The following MALAT1 variants were observed in gnomAD, a reference collection of about 807,000 sequenced individuals.
The protein encoded by MALAT1 is hepcarcin.
At chr11:65,498,283 C>T in intron 1 of MALAT1, 1 of 518,674 alleles carries the variant, frequency 1.9e-6, no homozygotes, top group South Asian at 1.4e-5. Context: ...TGAGCACTTT[C>T]AGGAGAGCCT....
Position 65,498,967 on chromosome 11 carries a change from A to C in MALAT1, n.232-2A>C, listed in dbSNP as rs745789624. Reference sequence around the variant, plus strand: ...GAACTACTTTTTGCCTCCCTCACAAAGGCGGCGGAAGGTGATCGAATTCCG... The same window carrying C: ...GAACTACTTTTTGCCTCCCTCACAACGGCGGCGGAAGGTGATCGAATTCCG... On this transcript the variant is annotated splice_acceptor_variant and non_coding_transcript_variant, in intron 2 of 3. Transcript: ENST00000619449. 6 of 518,794 alleles carry C rather than the reference A, an allele frequency of 1.2e-5. No individual in the cohort carries two copies. The Admixed American group carries it at 1.2e-4, about 10-fold the overall frequency. The allele number at this position is 518,794 out of a possible 1,614,324, so 32.1% of individuals were successfully genotyped here.
exon 3 of MALAT1, chr11:65,501,535 C>A (rs757633332): frequency 5.8e-6 from 3 of 518,700 alleles, no homozygotes; most frequent in Non-Finnish European, 1.2e-5. Context: ...TTGGGATGGT[C>A]TTAACAGGGA....
At chr11:65,498,320 T>G (rs374909824) in intron 1 of MALAT1, 1 of 518,000 alleles carries the variant, frequency 1.9e-6, no homozygotes, top group Non-Finnish European at 3.9e-6. Flanking sequence ...TAGAAAAATT[T>G]CCGTGCGGGC....
intron 3 of MALAT1, chr11:65,504,613 C>G (rs1355337236): frequency 1.9e-6 from 1 of 518,608 alleles, no homozygotes; most frequent in Non-Finnish European, 3.8e-6. Context: ...GCTTTTTGTT[C>G]ATTTCTGGTG....
exon 1 of MALAT1, chr11:65,497,778 C>G (rs773414990): frequency 4.3e-6 from 2 of 470,384 alleles, no homozygotes; most frequent in African/African-American, 2.0e-5. Flanking sequence ...GACTGGGGCC[C>G]CGCAACTGGC....
exon 4 of MALAT1, chr11:65,506,415 G>A: frequency 2.6e-6 from 1 of 381,276 alleles, no homozygotes; most frequent in Non-Finnish European, 5.1e-6. Context: ...GTTTTGAGAA[G>A]CCCTACTGCT....
intron 3 of MALAT1, chr11:65,505,118 G>A (rs1260907809): frequency 1.9e-6 from 1 of 519,046 alleles, no homozygotes; most frequent in Non-Finnish European, 3.8e-6. Flanking sequence ...ACTGGCATGT[G>A]AGCAAACTGT....
At chr11:65,505,366 A>G in intron 3 of MALAT1, 1 of 517,930 alleles carries the variant, frequency 1.9e-6, no homozygotes, top group Non-Finnish European at 3.9e-6. Flanking sequence ...CATCCGAAGG[A>G]ATGCTTGAAG....
At chr11:65,500,110 T>C (rs967472947) in exon 3 of MALAT1, 1 of 476,968 alleles carries the variant, frequency 2.1e-6, no homozygotes, top group Non-Finnish European at 4.2e-6. Flanking sequence ...AGAACCAATT[T>C]AGAAGAATAC....
intron 3 of MALAT1, chr11:65,505,779 T>C (rs777356425): frequency 3.9e-6 from 2 of 517,306 alleles, no homozygotes; most frequent in South Asian, 2.8e-5. Context: ...TCTATTATAA[T>C]ACTTATCCAG....
chr11:65,505,697 CTA>C (rs1285171483), intron 3 of MALAT1: 5 of 518,934 alleles, frequency 9.6e-6, no homozygotes, highest in East Asian at 5.4e-5. Flanking sequence ...GTGGGTTGAA[CTA>C]TGTTAGAAAA....
rs115795653 is a variant in MALAT1 at position 65,504,176 on chromosome 11, A to G, written n.5168+271A>G. The G allele has an allele frequency of 5.1e-3, 2,610 of 516,146 alleles. 77 individuals are homozygous for G. The highest frequency in any genetic ancestry group is 0.047 in the African/African-American group (2,456 of 51,794). 32.0% of individuals were successfully genotyped at this position (516,146 alleles called of 1,614,324 possible). A position where few individuals can be genotyped will look rare whatever the true frequency, so the allele number is the denominator to read the frequency against. On this transcript the variant is annotated intron_variant and non_coding_transcript_variant, in intron 3 of 3. Coordinates refer to ENST00000619449, the Ensembl canonical transcript of MALAT1. ...GAAGCCATTCAGGATTTTGAATTGCATATGAGTGCTTGGCTCTTCCTTCTG... is the reference window on the plus strand; with the variant it reads ...GAAGCCATTCAGGATTTTGAATTGCGTATGAGTGCTTGGCTCTTCCTTCTG...
At chr11:65,502,835 G>T in exon 3 of MALAT1, 1 of 503,616 alleles carries the variant, frequency 2.0e-6, no homozygotes. Context: ...AAAATTTTAA[G>T]CAAATGAAAG....
At chr11:65,500,155 A>G (rs192827555) in exon 3 of MALAT1, 12 of 504,406 alleles carry the variant, frequency 2.4e-5, no homozygotes, top group Admixed American at 1.9e-4. Context: ...TAAAAATCAC[A>G]TCAAAAAGCT....
chr11:65,498,868 T>TAGAATG (rs764889603), intron 2 of MALAT1: 2 of 518,450 alleles, frequency 3.9e-6, no homozygotes, highest in South Asian at 2.8e-5. Context: ...TCTGCATGTG[T>TAGAATG]AGTTTGCATT....
intron 3 of MALAT1, chr11:65,505,722 G>A (rs1854672234): frequency 1.9e-6 from 1 of 518,870 alleles, no homozygotes; most frequent in South Asian, 1.4e-5. Context: ...CCATTAATTT[G>A]CCTGCAAATT....
exon 3 of MALAT1, chr11:65,500,943 C>T (rs761317790): frequency 7.8e-6 from 4 of 511,528 alleles, no homozygotes; most frequent in African/African-American, 5.9e-5. Context: ...ACTCATGAAT[C>T]TTGTCTGAAG....
Position 65,501,009 on chromosome 11 carries a change from T to C in MALAT1, n.2272T>C, listed in dbSNP as rs117197658. The C allele has an allele frequency of 1.5e-3, 352 of 238,052 alleles. No homozygotes were observed. In the East Asian group the frequency reaches 0.035, roughly 24 times the overall value. The allele number at this position is 238,052 out of a possible 1,614,324, so 14.7% of individuals were successfully genotyped here. The stretch of plus-strand genomic sequence containing the variant: ...AAATAGTAGATGGCAAGTTTGTGGG[T>C]TTTTTTTTTTTACACGAATTTGAGG... On this transcript the variant is annotated non_coding_transcript_exon_variant, in exon 3 of 4. Transcript: ENST00000619449.
intron 3 of MALAT1, chr11:65,505,889 A>G (rs1854679802): frequency 4.6e-6 from 2 of 439,406 alleles, no homozygotes; most frequent in South Asian, 3.5e-5. Flanking sequence ...GAAGATAGGC[A>G]TTTGAGTGGC....
Sources: allele counts gnomAD v4.1 joint callset, GRCh38; gene constraint gnomAD v4.1.1; transcripts MANE v1.5; gene names NCBI Gene and HGNC (gene_info 2026-07-23, HGNC 2026-07-21).